The following MRTFB variants were observed in gnomAD, a reference collection of about 807,000 sequenced individuals.
The protein encoded by MRTFB is myocardin-related transcription factor B.
In MRTFB, 29 loss-of-function variants were observed where a neutral mutation model predicts 104.2. The ratio of observed to expected loss-of-function variants is 0.28; its 90% confidence interval spans 0.21 to 0.38. The LOEUF is 0.38. Among genes scored for constraint, MRTFB ranks in the 10% least tolerant of loss-of-function variants. The pLI, the probability that MRTFB is intolerant of heterozygous loss-of-function variation, is 1.00. For missense variants in MRTFB, 1,270 were observed against 1,341.6 expected (o/e 0.95, Z 0.83); for synonymous variants, 535 against 519.5 (o/e 1.03, Z -0.41).
intron 2 of MRTFB, among the ~76,000 whole-genome samples, chr16:14,105,605 C>T (rs1033401898): frequency 2.0e-5 from 3 of 152,060 alleles, no homozygotes; most frequent in African/African-American, 7.2e-5. Context: ...CACTGTGTTG[C>T]CCAGGCTGGT....
In MRTFB at chr16:14,212,448, C is replaced by T. The variant is rs959725515; in HGVS notation, c.276+39C>T. On this transcript the variant is annotated intron_variant, in intron 5 of 16. Coordinates refer to ENST00000571589, the MANE Select transcript of MRTFB (RefSeq NM_001308142.2). ...CTTTAAAATGTTCTACTTCTCTCTC[C>T]TTCTCTCCTCTCTTCTAAAATACCT... The T allele has an allele frequency of 3.2e-6, 5 of 1,575,874 alleles. No homozygotes were observed. The African/African-American group carries it at 6.7e-5, about 21-fold the overall frequency.
At chr16:14,089,605 C>A (rs916192199) in intron 2 of MRTFB, among the ~76,000 whole-genome samples, 1 of 152,126 alleles carries the variant, frequency 6.6e-6, no homozygotes, top group Non-Finnish European at 1.5e-5. Flanking sequence ...TATAAATTTT[C>A]TAGTGGACAC....
chr16:14,249,023 C>A lies in MRTFB; in HGVS notation c.2345C>A (p.Pro782His), dbSNP rs878862542. The part of the protein sequence containing the change: ...ALASGLAPTV[P>H]QTQDTFPQHV... Reference sequence around the variant, plus strand: ...GCCTCAGGCTTGGCCCCAACTGTACCTCAGACACAAGACACGTTCCCGCAG... The same window carrying A: ...GCCTCAGGCTTGGCCCCAACTGTACATCAGACACAAGACACGTTCCCGCAG... The change falls in exon 13 of 17, where the codon CCT becomes CAT. Residue 782 changes from proline to histidine, a missense_variant. Transcript: ENST00000571589. 1.2e-6 allele frequency: 2 copies of A among 1,614,176 alleles called. No homozygotes were observed. The highest frequency in any genetic ancestry group is 2.2e-5 in the South Asian group (2 of 91,078).
chr16:14,176,241 A>G (rs2039578943), intron 3 of MRTFB, among the ~76,000 whole-genome samples: 1 of 152,250 alleles, frequency 6.6e-6, no homozygotes, highest in African/African-American at 2.4e-5. Context: ...TTAATTAAAG[A>G]GAAGCTTGAC....
At chr16:14,144,995 T>C (rs1464485613) in intron 3 of MRTFB, among the ~76,000 whole-genome samples, 2 of 104,690 alleles carry the variant, frequency 1.9e-5, no homozygotes, top group South Asian at 3.2e-4. Flanking sequence ...TATATATATA[T>C]GTATATATAT....
chr16:14,017,611 A>G, the MRTFB span, among the ~76,000 whole-genome samples: 1 of 38,924 alleles, frequency 2.6e-5, no homozygotes, highest in African/African-American at 1.3e-4. Context: ...ATATATATAT[A>G]TATATATATA....
chr16:14,102,550 T>C (rs1424957628), intron 2 of MRTFB, among the ~76,000 whole-genome samples: 1 of 152,192 alleles, frequency 6.6e-6, no homozygotes, highest in Non-Finnish European at 1.5e-5. Flanking sequence ...CTTTAGAGTT[T>C]TTGTGTTTTC....
chr16:14,053,866 G>A, the MRTFB span, among the ~76,000 whole-genome samples: 1 of 152,138 alleles, frequency 6.6e-6, no homozygotes, highest in African/African-American at 2.4e-5. Flanking sequence ...CAGCCTGGGA[G>A]CCAGAGTGAG....
At chr16:14,016,973 T>A in the MRTFB span, among the ~76,000 whole-genome samples, 1 of 152,080 alleles carries the variant, frequency 6.6e-6, no homozygotes, top group South Asian at 2.1e-4. Flanking sequence ...AACAAGACTT[T>A]TACAAGCATT....
the MRTFB span, among the ~76,000 whole-genome samples, chr16:14,031,988 A>G: frequency 6.6e-6 from 1 of 152,136 alleles, no homozygotes; most frequent in African/African-American, 2.4e-5. Context: ...TTATATTTTT[A>G]GTAGAGACAT....
At position 14,266,067 on chromosome 16, in the gene MRTFB, C is replaced by T. The variant is rs1041138052; in HGVS notation, c.*4623C>T. 1.3e-5 allele frequency: 2 copies of T among 152,150 alleles called. No individual in the cohort carries two copies. The highest frequency in any genetic ancestry group is 2.4e-5 in the African/African-American group (1 of 41,430). 9.4% of individuals were successfully genotyped at this position (152,150 alleles called of 1,614,324 possible). On this transcript the variant is annotated 3_prime_UTR_variant, in exon 17 of 17. Coordinates refer to ENST00000571589, the MANE Select transcript of MRTFB (RefSeq NM_001308142.2). ...TGACCTCAAGTAACCAATAGTAATG[C>T]AAACTTGCTTTAAAGGAACCAAAGG...
chr16:14,017,163 T>C, the MRTFB span, among the ~76,000 whole-genome samples: 1 of 151,002 alleles, frequency 6.6e-6, no homozygotes, highest in Admixed American at 6.6e-5. Context: ...TTCACACCAT[T>C]CTCCTGCGTC....
At chr16:14,104,025 A>T (rs1485480789) in intron 2 of MRTFB, among the ~76,000 whole-genome samples, 1 of 152,202 alleles carries the variant, frequency 6.6e-6, no homozygotes, top group Non-Finnish European at 1.5e-5. Context: ...TGACATGATA[A>T]AGTGACATTT....
chr16:14,050,726 A>G, the MRTFB span, among the ~76,000 whole-genome samples: 3 of 152,188 alleles, frequency 2.0e-5, no homozygotes, highest in South Asian at 2.1e-4. Context: ...CTTCAGTCCA[A>G]TAAAATAACT....
intron 5 of MRTFB, 133 bp from the exon 6 acceptor site, chr16:14,213,412 T>C (rs2041280937): frequency 1.8e-6 from 1 of 556,118 alleles, no homozygotes; most frequent in African/African-American, 1.9e-5. Context: ...TTTTTCTAAG[T>C]GCTAATTTCT....
intron 1 of MRTFB, among the ~76,000 whole-genome samples, chr16:14,072,130 G>A (rs1487243055): frequency 6.6e-6 from 1 of 152,116 alleles, no homozygotes; most frequent in South Asian, 2.1e-4. Context: ...CTAAAAGTTC[G>A]ATTTTTGTTT....
chr16:14,172,411 A>G (rs1376421208), intron 3 of MRTFB, among the ~76,000 whole-genome samples: 1 of 152,192 alleles, frequency 6.6e-6, no homozygotes, highest in Non-Finnish European at 1.5e-5. Context: ...TGGTTGTACC[A>G]TAGTTTTATT....
chr16:14,124,553 A>G (rs1651176506), intron 2 of MRTFB, among the ~76,000 whole-genome samples: 4 of 152,092 alleles, frequency 2.6e-5, no homozygotes, highest in South Asian at 2.1e-4. Flanking sequence ...TTCTGTTTAT[A>G]TGATGGATTA....
chr16:14,077,816 C>G (rs1033103852), intron 1 of MRTFB, among the ~76,000 whole-genome samples: 2 of 152,036 alleles, frequency 1.3e-5, no homozygotes, highest in Non-Finnish European at 2.9e-5. Context: ...TTTTTTCCCA[C>G]TGTTACCCAT....
Sources: gnomAD v4.1 joint callset for allele counts (sites outside exome capture counted in the v4.1 genomes callset) on GRCh38, gnomAD v4.1.1 for gene constraint, MANE v1.5 for transcripts, NCBI Gene and HGNC (gene_info 2026-07-23, HGNC 2026-07-21) for gene names.